The following VAPA variants were observed in gnomAD, a reference collection of about 807,000 sequenced individuals.
The protein encoded by VAPA is VAMP associated protein A.
VAPA carries 6 observed loss-of-function variants against 25.6 expected under a neutral mutation model. The ratio of observed to expected loss-of-function variants is 0.23; its 90% confidence interval spans 0.13 to 0.46. VAPA has a LOEUF of 0.46. Among genes scored for constraint, VAPA ranks in the 20% least tolerant of loss-of-function variants. The pLI is 0.99. For synonymous variants in VAPA, 112 were observed against 106.2 expected (o/e 1.05, Z -0.34); for missense variants, 244 against 302.1 (o/e 0.81, Z 1.43).
At chr18:9,917,759 G>C (rs1280428711) in intron 1 of VAPA, among the ~76,000 whole-genome samples, 1 of 152,100 alleles carries the variant, frequency 6.6e-6, no homozygotes, top group Admixed American at 6.5e-5. Flanking sequence ...ATCGAGGGAC[G>C]TATGGTGTTA....
At chr18:9,919,991 CTA>C (rs932418741) in intron 1 of VAPA, among the ~76,000 whole-genome samples, 28 of 152,042 alleles carry the variant, frequency 1.8e-4, no homozygotes, top group Admixed American at 4.6e-4. Context: ...TTGGTGGTCT[CTA>C]TGTGCACTGA....
intron 1 of VAPA, among the ~76,000 whole-genome samples, chr18:9,926,027 C>T (rs2069197534): frequency 6.6e-6 from 1 of 152,026 alleles, no homozygotes; most frequent in Non-Finnish European, 1.5e-5. Context: ...TACTGTTTAC[C>T]TTCTAAGTTG....
intron 3 of VAPA, 60 bp from the exon 4 acceptor site, chr18:9,936,926 G>A: frequency 1.3e-6 from 2 of 1,501,064 alleles, no homozygotes; most frequent in Non-Finnish European, 1.8e-6. Context: ...CCCGTGAGGT[G>A]AAACTTACTT....
chr18:9,934,943 A>G (rs1201944563), intron 2 of VAPA, among the ~76,000 whole-genome samples: 1 of 151,954 alleles, frequency 6.6e-6, no homozygotes, highest in South Asian at 2.1e-4. Context: ...AAATACAAAA[A>G]AATTAGCCGG....
chr18:9,925,548 C>T (rs1181787188), intron 1 of VAPA, among the ~76,000 whole-genome samples: 1 of 151,830 alleles, frequency 6.6e-6, no homozygotes, highest in East Asian at 1.9e-4. Context: ...TCAGTACCTA[C>T]TACACCAGGC....
intron 5 of VAPA, among the ~76,000 whole-genome samples, chr18:9,953,001 T>C (rs1371152104): frequency 6.6e-6 from 1 of 152,246 alleles, no homozygotes; most frequent in Admixed American, 6.5e-5. Context: ...GGAGAAAATA[T>C]TGCCTTGTAC....
intron 5 of VAPA, among the ~76,000 whole-genome samples, chr18:9,952,560 G>A (rs532729527): frequency 1.2e-3 from 136 of 118,248 alleles, no homozygotes; most frequent in African/African-American, 4.4e-3. Context: ...GCAAAACATC[G>A]TCTCAAAAAA....
chr18:9,921,130 G>A (rs922646391), intron 1 of VAPA, among the ~76,000 whole-genome samples: 2 of 152,220 alleles, frequency 1.3e-5, no homozygotes, highest in African/African-American at 4.8e-5. Context: ...CCCAGTAAGT[G>A]TTGATTGAAT....
Position 9,955,355 on chromosome 18 carries a change from C to T in VAPA, c.*1144C>T, listed in dbSNP as rs1293257446. ...TTTTCTTTATGAAAAATGATTTTAG[C>T]CTTTGCAAATGTTAACCATGTGAAA... On this transcript the variant is annotated 3_prime_UTR_variant, in exon 6 of 6. Transcript: ENST00000400000. 6.6e-6 allele frequency: 1 copy of T among 152,096 alleles called. No homozygotes were observed. The highest frequency in any genetic ancestry group is 2.4e-5 in the African/African-American group (1 of 41,402). 9.4% of individuals were successfully genotyped at this position (152,096 alleles called of 1,614,324 possible).
chr18:9,923,684 C>A (rs2069175950), intron 1 of VAPA, among the ~76,000 whole-genome samples: 1 of 151,974 alleles, frequency 6.6e-6, no homozygotes, highest in Non-Finnish European at 1.5e-5. Context: ...GCCTGTAGGG[C>A]CAGAATCTCT....
intron 4 of VAPA, chr18:9,944,910 C>T (rs368366710): frequency 2.5e-6 from 4 of 1,612,586 alleles, no homozygotes; most frequent in African/African-American, 1.3e-5. Flanking sequence ...AATATGTTTC[C>T]CATGCCATCT....
intron 4 of VAPA, among the ~76,000 whole-genome samples, chr18:9,938,367 A>G (rs1194494178): frequency 1.3e-5 from 2 of 152,236 alleles, no homozygotes; most frequent in African/African-American, 4.8e-5. Flanking sequence ...GATTAAGAGT[A>G]GCTCTCACTG....
intron 1 of VAPA, among the ~76,000 whole-genome samples, chr18:9,929,451 G>C (rs939609475): frequency 1.3e-5 from 2 of 151,980 alleles, no homozygotes; most frequent in African/African-American, 4.8e-5. Context: ...GCGGGGTGGG[G>C]GTACATGATA....
intron 4 of VAPA, chr18:9,945,177 CT>C: frequency 1.7e-6 from 2 of 1,174,898 alleles, no homozygotes; most frequent in Non-Finnish European, 1.2e-6. Context: ...TAGAATTGAA[CT>C]ATGCCTAAAA....
At chr18:9,919,307 C>T (rs74641086) in intron 1 of VAPA, among the ~76,000 whole-genome samples, 10,251 of 152,198 alleles carry the variant, frequency 0.067, 588 homozygotes, top group African/African-American at 0.15. Context: ...GTTTCTACTT[C>T]CAAATTCATT....
chr18:9,921,308 G>A (rs1428284795), intron 1 of VAPA, among the ~76,000 whole-genome samples: 1 of 152,134 alleles, frequency 6.6e-6, no homozygotes, highest in East Asian at 1.9e-4. Flanking sequence ...CCTAAAGGTA[G>A]GTTGTTTGAT....
intron 5 of VAPA, 59 bp from the exon 6 acceptor site, chr18:9,953,994 A>G (rs1302042171): frequency 1.9e-6 from 3 of 1,596,178 alleles, no homozygotes; most frequent in Non-Finnish European, 2.6e-6. Flanking sequence ...TTTTAGCTCC[A>G]GTAGTCTCGT....
At chr18:9,953,978 A>G (rs1325034888) in intron 5 of VAPA, 75 bp from the exon 6 acceptor site, 5 of 1,571,502 alleles carry the variant, frequency 3.2e-6, no homozygotes, top group Admixed American at 1.9e-5. Flanking sequence ...TTCCGTCCCT[A>G]TAGATTTTTA....
chr18:9,934,120 G>GT (rs1181424376), intron 2 of VAPA, among the ~76,000 whole-genome samples: 1 of 152,222 alleles, frequency 6.6e-6, no homozygotes, highest in Non-Finnish European at 1.5e-5. Flanking sequence ...AGTTTTTAGT[G>GT]TAGTGTATTT....
Sources: gnomAD v4.1 joint callset for allele counts (sites outside exome capture counted in the v4.1 genomes callset) on GRCh38, gnomAD v4.1.1 for gene constraint, MANE v1.5 for transcripts, NCBI Gene and HGNC (gene_info 2026-07-23, HGNC 2026-07-21) for gene names.